ZEB1: variants seen among roughly 807,000 people sequenced by gnomAD.
ZEB1 encodes zinc finger E-box-binding homeobox 1.
A neutral mutation model predicts 84.9 loss-of-function variants in ZEB1; 21 were observed. The observed-to-expected ratio is 0.25, with a 90% confidence interval of 0.18 to 0.36. The LOEUF is 0.36. ZEB1 is among the 10% of genes least tolerant of loss of function. The pLI, the probability that ZEB1 is intolerant of heterozygous loss-of-function variation, is 1.00. For missense variants in ZEB1, 1,104 were observed against 1,330.2 expected (o/e 0.83, Z 2.65); for synonymous variants, 420 against 471.1 (o/e 0.89, Z 1.41).
intron 1 of ZEB1, among the ~76,000 whole-genome samples, chr10:31,362,368 G>C (rs1303248756): frequency 7.9e-6 from 1 of 126,324 alleles, no homozygotes. Flanking sequence ...GAGTGTAGGG[G>C]GGCCGGGCAG....
intron 1 of ZEB1, among the ~76,000 whole-genome samples, chr10:31,352,005 T>C (rs2041391454): frequency 6.6e-6 from 1 of 152,204 alleles, no homozygotes; most frequent in Non-Finnish European, 1.5e-5. Context: ...ATTCTTTATA[T>C]AGCCCATAAT....
At position 31,526,883 on chromosome 10, in the gene ZEB1, G is replaced by A. The variant is rs758686981; in HGVS notation, c.2997G>A (p.Gln999=). 36 of 1,614,054 alleles carry A rather than the reference G, an allele frequency of 2.2e-5. No individual in the cohort carries two copies. Among genetic ancestry groups the A allele is most frequent in the Non-Finnish European group, 2.9e-5 (34 of 1,180,042 alleles). ...CGGAAGAACGTGACAGCACAGAGCAGGAAGAGGCAGGGCCTGAAATCCTCT... is the reference window on the plus strand; with the variant it reads ...CGGAAGAACGTGACAGCACAGAGCAAGAAGAGGCAGGGCCTGAAATCCTCT... The part of the protein sequence containing the change: ...REAEERDSTE[Q]EEAGPEILSN... The change falls in exon 9 of 9, where the codon CAG becomes CAA. Residue 999 remains glutamine, a synonymous_variant. Coordinates refer to ENST00000424869, the MANE Select transcript of ZEB1 (RefSeq NM_001174096.2).
intron 1 of ZEB1, chr10:31,362,714 C>A (rs2043519155): frequency 2.0e-6 from 1 of 502,056 alleles, no homozygotes; most frequent in Non-Finnish European, 3.7e-6. Flanking sequence ...CTCCTCACTT[C>A]CCAGATGGTG....
chr10:31,509,138 G>A (rs1253599394), intron 4 of ZEB1, among the ~76,000 whole-genome samples: 2 of 152,196 alleles, frequency 1.3e-5, no homozygotes, highest in African/African-American at 2.4e-5. Flanking sequence ...GATGTAGTCT[G>A]TTGGGGGTTG....
intron 1 of ZEB1, chr10:31,321,655 T>C: frequency 1.5e-6 from 2 of 1,362,034 alleles, no homozygotes; most frequent in South Asian, 2.3e-5. Context: ...CCACCCAGCG[T>C]CTGTGCAGCT....
At chr10:31,415,442 A>G (rs2135911288) in intron 1 of ZEB1, among the ~76,000 whole-genome samples, 1 of 152,206 alleles carries the variant, frequency 6.6e-6, no homozygotes, top group Non-Finnish European at 1.5e-5. Context: ...GGGTGGTGGA[A>G]TCACATATAT....
At chr10:31,438,015 A>T (rs1045778711) in intron 1 of ZEB1, among the ~76,000 whole-genome samples, 1 of 152,258 alleles carries the variant, frequency 6.6e-6, no homozygotes, top group African/African-American at 2.4e-5. Flanking sequence ...GCTGAAAATC[A>T]TGCCAACTCC....
chr10:31,456,306 A>G (rs534744452), intron 1 of ZEB1, among the ~76,000 whole-genome samples: 1 of 152,252 alleles, frequency 6.6e-6, no homozygotes, highest in East Asian at 1.9e-4. Context: ...TACCTAATGT[A>G]GGTGATGGGT....
Position 31,475,150 on chromosome 10 carries a change from T to A in ZEB1, c.259+13913T>A, listed in dbSNP as rs1397393257. Among the ~76,000 whole-genome samples, 4 of 151,880 alleles carry A rather than the reference T, an allele frequency of 2.6e-5. No homozygotes were observed. In the East Asian group the frequency reaches 7.7e-4, roughly 29 times the overall value. ...GGGTGCAGTGCACCAGCGTGGCACA[T>A]GTATACATATGTAACTAACCTGCAC... is the stretch of plus-strand genomic sequence containing the variant. On this transcript the variant is annotated intron_variant, in intron 2 of 8. Coordinates refer to ENST00000424869, the MANE Select transcript of ZEB1 (RefSeq NM_001174096.2).
At chr10:31,406,055 G>T (rs566648149) in intron 1 of ZEB1, among the ~76,000 whole-genome samples, 41 of 152,276 alleles carry the variant, frequency 2.7e-4, no homozygotes, top group Admixed American at 2.2e-3. Context: ...GTATTCCATG[G>T]TGTATATGTG....
intron 1 of ZEB1, among the ~76,000 whole-genome samples, chr10:31,357,414 T>C (rs1003133178): frequency 2.0e-5 from 3 of 152,136 alleles, no homozygotes; most frequent in East Asian, 1.9e-4. Flanking sequence ...ACAGTTGATA[T>C]TGGAGCAAAA....
chr10:31,523,534 G>C (rs545932926), intron 7 of ZEB1, among the ~76,000 whole-genome samples: 2 of 152,352 alleles, frequency 1.3e-5, no homozygotes, highest in African/African-American at 4.8e-5. Flanking sequence ...GATGCAGTTA[G>C]TAATGAGCGA....
chr10:31,418,307 A>AAAAAC (rs1380836001), intron 1 of ZEB1, among the ~76,000 whole-genome samples: 5 of 151,958 alleles, frequency 3.3e-5, no homozygotes, highest in African/African-American at 1.2e-4. Flanking sequence ...ACCCAGTGGC[A>AAAAAC]AAAACAAAAC....
At chr10:31,347,693 T>C (rs1417375141) in intron 1 of ZEB1, among the ~76,000 whole-genome samples, 1 of 152,190 alleles carries the variant, frequency 6.6e-6, no homozygotes, top group Non-Finnish European at 1.5e-5. Context: ...CCCCTTATTA[T>C]TGGACATTTT....
chr10:31,386,943 A>G (rs942189417), intron 1 of ZEB1, among the ~76,000 whole-genome samples: 1 of 152,176 alleles, frequency 6.6e-6, no homozygotes, highest in African/African-American at 2.4e-5. Context: ...CTAAGGAGTA[A>G]TATTTGAAAC....
At chr10:31,470,259 T>A (rs2063037921) in intron 2 of ZEB1, among the ~76,000 whole-genome samples, 1 of 151,458 alleles carries the variant, frequency 6.6e-6, no homozygotes. Context: ...ACGATCAAAT[T>A]ACTCTGAGCT....
intron 1 of ZEB1, among the ~76,000 whole-genome samples, chr10:31,410,399 A>C (rs2054014229): frequency 6.6e-6 from 1 of 152,156 alleles, no homozygotes; most frequent in Non-Finnish European, 1.5e-5. Context: ...TGCCGGATTC[A>C]GTTTGCCAAT....
rs966015563 is a variant in ZEB1 at position 31,502,008 on chromosome 10, G to GT, written c.323-333dup. ...AAGAAGGTGACCTTTGAGAACTAAA[G>GT]TTTTTTTCTTGCTTTATCATTAATT... On this transcript the variant is annotated intron_variant, in intron 3 of 8. Coordinates refer to ENST00000424869, the MANE Select transcript of ZEB1 (RefSeq NM_001174096.2). Among the ~76,000 whole-genome samples the GT allele has an allele frequency of 2.0e-5, 3 of 152,098 alleles. No individual in the cohort carries two copies. In the East Asian group the frequency reaches 5.8e-4, roughly 29 times the overall value.
chr10:31,429,629 G>A (rs2057427152), intron 1 of ZEB1, among the ~76,000 whole-genome samples: 1 of 142,992 alleles, frequency 7.0e-6, no homozygotes, highest in Admixed American at 7.2e-5. Flanking sequence ...AAACCCTCAT[G>A]ACACAAGTTT....
Sources: allele counts gnomAD v4.1 joint callset (sites outside exome capture counted in the v4.1 genomes callset), GRCh38; gene constraint gnomAD v4.1.1; transcripts MANE v1.5; gene names NCBI Gene and HGNC (gene_info 2026-07-23, HGNC 2026-07-21).